The following SLCO1A2 variants were observed in gnomAD, a reference collection of about 807,000 sequenced individuals.
SLCO1A2 encodes OATP-1.
SLCO1A2 carries 67 observed loss-of-function variants against 69.0 expected under a neutral mutation model. The observed-to-expected ratio is 0.97, with a 90% confidence interval of 0.80 to 1.19. The LOEUF is 1.19. Ranked by LOEUF, SLCO1A2 falls within the 50% of genes most tolerant of loss-of-function variation. The pLI is 0.00. For synonymous variants in SLCO1A2, 260 were observed against 265.9 expected (o/e 0.98, Z 0.22); for missense variants, 787 against 793.7 (o/e 0.99, Z 0.10).
chr12:21,387,746 G>C (rs1303663540), intron 1 of SLCO1A2, among the ~76,000 whole-genome samples: 1 of 152,184 alleles, frequency 6.6e-6, no homozygotes, highest in Non-Finnish European at 1.5e-5. Context: ...ATACTGCCTA[G>C]TGGAGCTGTG....
chr12:21,345,705 T>C (rs182839871), intron 2 of SLCO1A2, among the ~76,000 whole-genome samples: 2 of 152,262 alleles, frequency 1.3e-5, no homozygotes, highest in Admixed American at 1.3e-4. Context: ...CTTAAGTAAG[T>C]AAATTGATAA....
chr12:21,337,028 G>A (rs930354111), upstream of SLCO1A2, among the ~76,000 whole-genome samples: 2 of 152,006 alleles, frequency 1.3e-5, no homozygotes, highest in South Asian at 4.1e-4. Flanking sequence ...CATGCCTGCT[G>A]GTCATAGCTC....
chr12:21,399,781 T>C (rs1415071912), upstream of SLCO1A2, among the ~76,000 whole-genome samples: 2 of 136,380 alleles, frequency 1.5e-5, no homozygotes, highest in African/African-American at 2.7e-5. Context: ...GGGGAAAGGA[T>C]TCCCTATTTA....
intron 12 of SLCO1A2, among the ~76,000 whole-genome samples, chr12:21,284,566 C>T (rs1945407809): frequency 6.7e-6 from 1 of 148,646 alleles, no homozygotes; most frequent in Non-Finnish European, 1.5e-5. Flanking sequence ...TTTTTCAGCA[C>T]CACACCACAC....
chr12:21,282,982 C>T (rs1945087150), intron 12 of SLCO1A2, among the ~76,000 whole-genome samples: 1 of 151,954 alleles, frequency 6.6e-6, no homozygotes, highest in Non-Finnish European at 1.5e-5. Context: ...AACAATATTG[C>T]TAAAACCAAA....
intron 2 of SLCO1A2, among the ~76,000 whole-genome samples, chr12:21,321,681 A>G (rs769744378): frequency 7.9e-5 from 12 of 152,078 alleles, no homozygotes; most frequent in Non-Finnish European, 1.8e-4. Context: ...CTTTTGTATA[A>G]TATTCCTCCA....
chr12:21,364,793 A>C (rs1330881779), intron 2 of SLCO1A2, among the ~76,000 whole-genome samples: 1 of 152,210 alleles, frequency 6.6e-6, no homozygotes, highest in Non-Finnish European at 1.5e-5. Context: ...AACTCCATTC[A>C]CAGTTGCTTC....
chr12:21,419,562 G>C (rs1565536845), upstream of SLCO1A2: 1 of 156,414 alleles, frequency 6.4e-6, no homozygotes. Context: ...CTGGCTCTGA[G>C]GGTCCTACGC....
In SLCO1A2 at chr12:21,294,464, A is replaced by T. The variant is rs142200015; in HGVS notation, c.1272-354T>A. 25 of 159,490 alleles carry T rather than the reference A, an allele frequency of 1.6e-4. No individual in the cohort carries two copies. In the East Asian group the frequency reaches 3.9e-3, roughly 25 times the overall value. The allele number at this position is 159,490 out of a possible 1,614,324, so 9.9% of individuals were successfully genotyped here. On this transcript the variant is annotated intron_variant, in intron 10 of 14. Coordinates refer to ENST00000683939, the MANE Select transcript of SLCO1A2 (RefSeq NM_001386879.1). ...ATTAGGTAGCAAATAGCAAGACAGG[A>T]CTAGCATGAAGATAAAAATCTGAAA...
At chr12:21,300,084 A>AAGAG (rs1180286497) in intron 8 of SLCO1A2, among the ~76,000 whole-genome samples, 1 of 147,008 alleles carries the variant, frequency 6.8e-6, no homozygotes, top group Non-Finnish European at 1.5e-5. Flanking sequence ...ATATATATGA[A>AAGAG]AGAGAGAGAG....
chr12:21,354,623 T>C (rs1363299838), intron 2 of SLCO1A2, among the ~76,000 whole-genome samples: 10 of 152,238 alleles, frequency 6.6e-5, no homozygotes, highest in Admixed American at 5.9e-4. Flanking sequence ...GCTATTCCAT[T>C]GTATCTGTTT....
chr12:21,300,668 T>A, intron 7 of SLCO1A2, 99 bp from the exon 8 acceptor site: 1 of 955,634 alleles, frequency 1.0e-6, no homozygotes, highest in Non-Finnish European at 1.5e-6. Context: ...CCCAACCAAC[T>A]ATAAAATTGG....
At chr12:21,331,623 A>T (rs917609854) in intron 2 of SLCO1A2, among the ~76,000 whole-genome samples, 50 of 61,246 alleles carry the variant, frequency 8.2e-4, no homozygotes, top group Non-Finnish European at 1.5e-3. Context: ...TCGCTGAGAT[A>T]AAAAAAAAAA....
chr12:21,320,871 T>C (rs552697082), intron 2 of SLCO1A2, among the ~76,000 whole-genome samples: 12 of 152,270 alleles, frequency 7.9e-5, no homozygotes, highest in Admixed American at 3.3e-4. Flanking sequence ...ATCCAAGGCA[T>C]TTCTTGCCTT....
chr12:21,292,452 T>C, intron 11 of SLCO1A2, 116 bp from the exon 12 acceptor site: 1 of 658,302 alleles, frequency 1.5e-6, no homozygotes, highest in South Asian at 2.6e-5. Context: ...TTACTCCATC[T>C]CCATTATGAT....
exon 1 of SLCO1A2, chr12:21,395,051 C>T (rs536491671): frequency 9.4e-4 from 149 of 158,286 alleles, no homozygotes; most frequent in African/African-American, 3.1e-3. Flanking sequence ...AGCTCCGGTG[C>T]ACAGCTCCCA....
chr12:21,362,291 G>C (rs1283170514), intron 2 of SLCO1A2, among the ~76,000 whole-genome samples: 1 of 152,048 alleles, frequency 6.6e-6, no homozygotes, highest in Non-Finnish European at 1.5e-5. Context: ...TTCATACCCA[G>C]TCAAACTAAG....
At chr12:21,313,341 G>A (rs1218538386) in intron 4 of SLCO1A2, among the ~76,000 whole-genome samples, 1 of 152,220 alleles carries the variant, frequency 6.6e-6, no homozygotes, top group Non-Finnish European at 1.5e-5. Context: ...TGTAATATCT[G>A]CAAAGTGCAA....
chr12:21,406,193 T>C (rs1941822054), intron 1 of SLCO1A2, among the ~76,000 whole-genome samples: 1 of 152,268 alleles, frequency 6.6e-6, no homozygotes, highest in Non-Finnish European at 1.5e-5. Context: ...TGTCTGTGTG[T>C]GTGTGTATGC....
Sources: gnomAD v4.1 joint callset for allele counts (sites outside exome capture counted in the v4.1 genomes callset) on GRCh38, gnomAD v4.1.1 for gene constraint, MANE v1.5 for transcripts, NCBI Gene and HGNC (gene_info 2026-07-23, HGNC 2026-07-21) for gene names.